The following NTNG2 variants were observed in gnomAD, a reference collection of about 807,000 sequenced individuals.
NTNG2 encodes netrin G2, also known as netrin-G2.
NTNG2 carries 15 observed loss-of-function variants against 47.6 expected under a neutral mutation model. The ratio of observed to expected loss-of-function variants is 0.32; its 90% CI spans 0.21 to 0.49. The LOEUF is 0.49. NTNG2 is among the 20% of genes least tolerant of loss of function. NTNG2 has a pLI of 0.99. For synonymous variants in NTNG2, 307 were observed against 324.6 expected (o/e 0.95, Z 0.58); for missense variants, 578 against 764.6 (o/e 0.76, Z 2.88).
chr9:132,230,672 A>AG (rs1841138519), intron 5 of NTNG2, 77 bp downstream of exon 5: 1 of 1,478,846 alleles, frequency 6.8e-7, no homozygotes, highest in African/African-American at 1.4e-5. Flanking sequence ...AAAGCTGGAG[A>AG]GAAAAAAGGG....
rs765347293 is a variant in NTNG2 at position 132,218,113 on chromosome 9, G to A, written c.858-8736G>A. Among the ~76,000 whole-genome samples, 34 of 152,356 alleles carry A rather than the reference G, an allele frequency of 2.2e-4. No individual in the cohort carries two copies. Among genetic ancestry groups the A allele is most frequent in the Admixed American group, 5.9e-4 (9 of 15,312 alleles). ...AAGAATTTGTGCAGGCCACACAGCTGTGTGCACCATGAGCTGGGCAGAAGC... is the reference window on the plus strand; with the variant it reads ...AAGAATTTGTGCAGGCCACACAGCTATGTGCACCATGAGCTGGGCAGAAGC... On this transcript the variant is annotated intron_variant, in intron 3 of 7. Coordinates refer to ENST00000393229, the MANE Select transcript of NTNG2 (RefSeq NM_032536.4). This position sits in a 1 kb window ranked among gnomAD's most constrained non-coding sequence, Gnocchi z 5.4.
chr9:132,200,879 C>T (rs1838695096), intron 3 of NTNG2, among the ~76,000 whole-genome samples: 1 of 152,232 alleles, frequency 6.6e-6, no homozygotes, highest in Non-Finnish European at 1.5e-5. Flanking sequence ...AGACTTTCAG[C>T]CCCTGGGCAT....
chr9:132,194,054 G>T (rs1030194390), intron 2 of NTNG2, among the ~76,000 whole-genome samples: 1 of 152,192 alleles, frequency 6.6e-6, no homozygotes, highest in Non-Finnish European at 1.5e-5. Flanking sequence ...TCTTGAAAGA[G>T]AATCTGTCTC....
chr9:132,207,614 A>C (rs183721622), intron 3 of NTNG2, among the ~76,000 whole-genome samples: 1 of 152,188 alleles, frequency 6.6e-6, no homozygotes, highest in African/African-American at 2.4e-5. Context: ...GGTCACATTC[A>C]TAGGCACTGG....
chr9:132,203,396 A>G (rs1838930100), intron 3 of NTNG2, among the ~76,000 whole-genome samples: 1 of 152,018 alleles, frequency 6.6e-6, no homozygotes, highest in Admixed American at 6.6e-5. Context: ...GAAGAAGATA[A>G]TGTACATGGG....
At chr9:132,240,426 G>C (rs1325675655) in intron 6 of NTNG2, among the ~76,000 whole-genome samples, 2 of 152,322 alleles carry the variant, frequency 1.3e-5, no homozygotes, top group East Asian at 3.9e-4. Context: ...CTCTCCCACA[G>C]AGCCCCAAGG....
At chr9:132,194,416 C>T (rs888989155) in intron 2 of NTNG2, among the ~76,000 whole-genome samples, 7 of 152,254 alleles carry the variant, frequency 4.6e-5, no homozygotes, top group Non-Finnish European at 7.3e-5. Context: ...TCCCCACAGC[C>T]TCTCAGTCCC....
At chr9:132,183,869 T>C (rs1469405590) in intron 2 of NTNG2, among the ~76,000 whole-genome samples, 1 of 152,106 alleles carries the variant, frequency 6.6e-6, no homozygotes, top group Non-Finnish European at 1.5e-5. Flanking sequence ...GTTAGTTTGT[T>C]GGTTTGTTTG....
In NTNG2 at chr9:132,197,535, C is replaced by T. The variant is rs1208214344; in HGVS notation, c.214-431C>T. ...CATGAAGGAGACAGAATGCCATCTG[C>T]AAAGGCTCAGAGGTACAACCAGGCA... On this transcript the variant is annotated intron_variant, in intron 2 of 7. Transcript: ENST00000393229. The surrounding 1 kb of genome is among the most constrained non-coding windows in gnomAD (Gnocchi z 4.3). Among the ~76,000 whole-genome samples, 1 of 152,180 alleles carries T rather than the reference C, an allele frequency of 6.6e-6. No homozygotes were observed. Among genetic ancestry groups the T allele is most frequent in the African/African-American group, 2.4e-5 (1 of 41,432 alleles).
chr9:132,229,129 C>T (rs12378553), intron 4 of NTNG2, among the ~76,000 whole-genome samples: 67,225 of 151,834 alleles, frequency 0.44, 15,887 homozygotes, highest in South Asian at 0.6. Flanking sequence ...GCCCCCAAGC[C>T]CCAGGAAGGA....
At chr9:132,161,898 G>C (rs531627134), upstream of NTNG2, 33 of 150,952 alleles carry the variant, frequency 2.2e-4, no homozygotes, top group Non-Finnish European at 3.6e-4. The surrounding 1 kb of genome is among the most constrained non-coding windows in gnomAD (Gnocchi z 7.2). Flanking sequence ...GGTCCTCCCC[G>C]GGCCGCCCAG....
intron 5 of NTNG2, among the ~76,000 whole-genome samples, chr9:132,238,317 C>G (rs1487060496): frequency 6.6e-6 from 1 of 152,124 alleles, no homozygotes; most frequent in African/African-American, 2.4e-5. Context: ...TGGAGCGGAG[C>G]TGGTTAGGCA....
rs201061734 is a variant in NTNG2 at position 132,230,553 on chromosome 9, G to T, written c.1031-19G>T. ...CCTTCCCCTGGGGCAGCCAGCTCAC[G>T]CCCGTCTCTCTCCCACAGGTGCCAC... On this transcript the variant is annotated intron_variant, in intron 4 of 7. Transcript: ENST00000393229. 6.3e-7 allele frequency: 1 copy of T among 1,598,416 alleles called. No homozygotes were observed. The highest frequency in any genetic ancestry group is 8.5e-7 in the Non-Finnish European group (1 of 1,172,270).
chr9:132,234,733 C>G (rs1722667731), intron 5 of NTNG2, among the ~76,000 whole-genome samples: 1 of 152,266 alleles, frequency 6.6e-6, no homozygotes, highest in African/African-American at 2.4e-5. Context: ...CAAATGCCTT[C>G]AGGGCTGGCT....
intron 3 of NTNG2, among the ~76,000 whole-genome samples, chr9:132,225,696 C>T (rs1840703102): frequency 6.6e-6 from 1 of 152,124 alleles, no homozygotes; most frequent in Non-Finnish European, 1.5e-5. Context: ...ATATACGTTC[C>T]ATTTGTTTGC....
chr9:132,242,189 G>C lies in NTNG2; in HGVS notation c.*78G>C. 3 of 695,602 alleles carry C rather than the reference G, an allele frequency of 4.3e-6. No individual in the cohort carries two copies. The highest frequency in any genetic ancestry group is 5.4e-6 in the Non-Finnish European group (3 of 550,734). The allele number at this position is 695,602 out of a possible 1,614,324, so 43.1% of individuals were successfully genotyped here. ...CGGGGCGGGGCCGGCGTCCGAGGCC[G>C]GGCGGTGAGAAGGGTGCGGCCCGAG... On this transcript the variant is annotated 3_prime_UTR_variant, in exon 8 of 8. Transcript: ENST00000393229. This position sits in a 1 kb window ranked among gnomAD's most constrained non-coding sequence, Gnocchi z 5.9.
intron 2 of NTNG2, among the ~76,000 whole-genome samples, chr9:132,174,751 G>A (rs965216091): frequency 1.1e-4 from 16 of 151,842 alleles, no homozygotes; most frequent in Non-Finnish European, 1.9e-4. Flanking sequence ...GGGAAACCCC[G>A]TCTCTACTAA....
intron 5 of NTNG2, among the ~76,000 whole-genome samples, chr9:132,234,125 T>C (rs1267744248): frequency 1.3e-5 from 2 of 150,664 alleles, no homozygotes; most frequent in Non-Finnish European, 3.0e-5. Flanking sequence ...CCCCCCCAGG[T>C]TCAAGCAATT....
rs893656609 is a variant in NTNG2, at chr9:132,231,747, A to T, written c.1054+1152A>T. On this transcript the variant is annotated intron_variant, in intron 5 of 7. Transcript: ENST00000393229. The surrounding 1 kb of genome is among the most constrained non-coding windows in gnomAD (Gnocchi z 4.1). The stretch of plus-strand genomic sequence containing the variant: ...TACTACTCCTGTCCCCTCCACGTCC[A>T]CTGCCTGGGCCCCCATGGCGCCCAG... 5.7e-6 allele frequency: 1 copy of T among 175,854 alleles called. No homozygotes were observed. The highest frequency in any genetic ancestry group is 2.4e-5 in the African/African-American group (1 of 41,556). 10.9% of individuals were successfully genotyped at this position (175,854 alleles called of 1,614,324 possible). A position where few individuals can be genotyped will look rare whatever the true frequency, so the allele number is the denominator to read the frequency against.
Sources: allele counts gnomAD v4.1 joint callset (sites outside exome capture counted in the v4.1 genomes callset), GRCh38; gene constraint gnomAD v4.1.1; non-coding constraint Gnocchi (gnomAD v3.1); transcripts MANE v1.5; gene names NCBI Gene and HGNC (gene_info 2026-07-23, HGNC 2026-07-21).